The following BFSP2 variants were observed in gnomAD, a reference collection of about 807,000 sequenced individuals.
The protein encoded by BFSP2 is phakinin.
BFSP2 carries 38 observed loss-of-function variants against 44.9 expected under a neutral mutation model. That is an observed-to-expected ratio of 0.85 (90% CI 0.65 to 1.11). The LOEUF is 1.11. Among genes scored for constraint, BFSP2 ranks in the 50% least tolerant of loss-of-function variants. BFSP2 has a pLI of 0.00. For synonymous variants in BFSP2, 197 were observed against 209.9 expected, an observed-to-expected ratio of 0.94 and a Z score of 0.53; for missense variants, 525 against 533.0, an observed-to-expected ratio of 0.99 and a Z score of 0.15.
At chr3:133,413,089 G>A (rs1011286611) in intron 1 of BFSP2, among the ~76,000 whole-genome samples, 1 of 152,210 alleles carries the variant, frequency 6.6e-6, no homozygotes, top group Non-Finnish European at 1.5e-5. Flanking sequence ...TCTGGTGAGA[G>A]GGCTGGGGCT....
rs534216602 is a variant in BFSP2 at position 133,400,080 on chromosome 3, G to A, written c.-4G>A. ...CACTGGGCACCACAGAGGCAGAAGG[G>A]GTGATGAGTGAGAGGCGAGTGGTAG... On this transcript the variant is annotated 5_prime_UTR_variant, in exon 1 of 7. Coordinates refer to ENST00000302334, the MANE Select transcript of BFSP2 (RefSeq NM_003571.4). This position sits in a 1 kb window ranked among gnomAD's most constrained non-coding sequence, Gnocchi z 4.0. The A allele has an allele frequency of 2.2e-5, 36 of 1,614,026 alleles. No individual in the cohort carries two copies. In the East Asian group the frequency reaches 7.6e-4, roughly 34 times the overall value.
At chr3:133,418,720 T>C (rs1166329359) in intron 1 of BFSP2, among the ~76,000 whole-genome samples, 2 of 152,192 alleles carry the variant, frequency 1.3e-5, no homozygotes, top group Non-Finnish European at 2.9e-5. Flanking sequence ...CCTATGTTTT[T>C]CCTAACAAAA....
chr3:133,463,034 T>C (rs2141580), intron 4 of BFSP2, among the ~76,000 whole-genome samples: 136,120 of 152,202 alleles, frequency 0.89, 60,971 homozygotes, highest in East Asian at 0.91. Context: ...AGAGACCGGG[T>C]GCGGTGGCTC....
chr3:133,417,047 T>TCC (rs959943185), intron 1 of BFSP2, among the ~76,000 whole-genome samples: 2 of 113,284 alleles, frequency 1.8e-5, no homozygotes, highest in Non-Finnish European at 3.6e-5. Context: ...TCCTGCCATC[T>TCC]CCCCTCAACT....
chr3:133,400,408 G>A lies in BFSP2; in HGVS notation c.325G>A (p.Glu109Lys), dbSNP rs772409951. ...PGLERDHGAV[E>K]DLGGCLVEYM... ...TTTGGAGAGGGACCATGGTGCTGTTGAGGACCTAGGGGGCTGCCTGGTGGA... is the reference window on the plus strand; with the variant it reads ...TTTGGAGAGGGACCATGGTGCTGTTAAGGACCTAGGGGGCTGCCTGGTGGA... The change falls in exon 1 of 7, where the codon GAG becomes AAG. Residue 109 changes from glutamate (E) to lysine (K), a missense_variant. Transcript: ENST00000302334. The surrounding 1 kb of genome is among the most constrained non-coding windows in gnomAD (Gnocchi z 4.0). 1 of 1,614,098 alleles carries A rather than the reference G, an allele frequency of 6.2e-7. No individual in the cohort carries two copies. The highest frequency in any genetic ancestry group is 1.1e-5 in the South Asian group (1 of 91,084).
intron 1 of BFSP2, among the ~76,000 whole-genome samples, chr3:133,430,277 G>A (rs1450633988): frequency 3.3e-5 from 5 of 151,708 alleles, no homozygotes; most frequent in South Asian, 2.1e-4. Flanking sequence ...ACCCAGTAAC[G>A]GGATGGCTGG....
intron 4 of BFSP2, among the ~76,000 whole-genome samples, chr3:133,460,496 A>T (rs2074052371): frequency 6.6e-6 from 1 of 152,212 alleles, no homozygotes; most frequent in Non-Finnish European, 1.5e-5. Context: ...GGCCTCAAGC[A>T]ATCTTTCTGC....
chr3:133,472,456 G>C lies in BFSP2; in HGVS notation c.1135G>C (p.Ala379Pro). 1.2e-6 allele frequency: 2 copies of C among 1,614,024 alleles called. No homozygotes were observed. The highest frequency in any genetic ancestry group is 1.7e-6 in the Non-Finnish European group (2 of 1,180,024). Residue 379 changes from alanine to proline, a missense_variant, in exon 6 of 7, where the codon GCG becomes CCG. Physicochemically the swap from Ala to Pro is conservative, Grantham distance 27. Transcript: ENST00000302334. Reference sequence around the variant, plus strand: ...GGAGGCGGAGCTCAGGGAAATCCGAGCGGAGGCGGAGCAGCAGCAACAGGA... The same window carrying C: ...GGAGGCGGAGCTCAGGGAAATCCGACCGGAGGCGGAGCAGCAGCAACAGGA... ...RLEAELREIR[A>P]EAEQQQQERA...
At chr3:133,416,653 T>TCCTCTCCCCTCTACTCACCCTTGC (rs2073534215) in intron 1 of BFSP2, among the ~76,000 whole-genome samples, 1 of 117,730 alleles carries the variant, frequency 8.5e-6, no homozygotes, top group Non-Finnish European at 1.8e-5. Context: ...CTCACCTCTG[T>TCCTCTCCCCTCTACTCACCCTTGC]CCTCTCCCCT....
At position 133,468,030 on chromosome 3, in the gene BFSP2, C is replaced by T. The variant is rs370383195; in HGVS notation, c.1023+1071C>T. Among the ~76,000 whole-genome samples the T allele has an allele frequency of 2.6e-5, 4 of 152,338 alleles. No individual in the cohort carries two copies. The East Asian group carries it at 5.8e-4, about 22-fold the overall frequency. ...GGTATGATAGTCACAGTCCAGCCCA[C>T]TTCTCAGTGTTTCTAGGGGGATCCA... On this transcript the variant is annotated intron_variant, in intron 5 of 6. Transcript: ENST00000302334.
chr3:133,410,601 T>C, intron 1 of BFSP2: 1 of 295,900 alleles, frequency 3.4e-6, no homozygotes, highest in Non-Finnish European at 6.8e-6. Flanking sequence ...TGGGCAGCAC[T>C]CAAATCAGTC....
chr3:133,475,037 T>G lies in BFSP2; in HGVS notation c.*65T>G. 1 of 1,596,516 alleles carries G rather than the reference T, an allele frequency of 6.3e-7. No homozygotes were observed. Among genetic ancestry groups the G allele is most frequent in the Non-Finnish European group, 8.6e-7 (1 of 1,163,972 alleles). On this transcript the variant is annotated 3_prime_UTR_variant, in exon 7 of 7. Coordinates refer to ENST00000302334, the MANE Select transcript of BFSP2 (RefSeq NM_003571.4). Reference sequence around the variant, plus strand: ...CTCAACAGCTGACCCAAGAAGTTGCTTGAGGAGCTTTCTCCTGAGCTCCAG... The same window carrying G: ...CTCAACAGCTGACCCAAGAAGTTGCGTGAGGAGCTTTCTCCTGAGCTCCAG...
chr3:133,428,270 G>C (rs1488447176), intron 1 of BFSP2, among the ~76,000 whole-genome samples: 1 of 152,134 alleles, frequency 6.6e-6, no homozygotes, highest in African/African-American at 2.4e-5. Flanking sequence ...AAGAGGCAGG[G>C]AGGCAGGACA....
At chr3:133,446,770 A>G (rs1470914834) in intron 1 of BFSP2, among the ~76,000 whole-genome samples, 1 of 150,084 alleles carries the variant, frequency 6.7e-6, no homozygotes, top group Non-Finnish European at 1.5e-5. Flanking sequence ...TATATCCACA[A>G]TGTTTATGTT....
intron 5 of BFSP2, among the ~76,000 whole-genome samples, chr3:133,470,167 G>T (rs1351969871): frequency 6.6e-6 from 1 of 152,178 alleles, no homozygotes; most frequent in Non-Finnish European, 1.5e-5. Context: ...TACTGATCTA[G>T]ATTTATTTTC....
At chr3:133,471,610 CG>C (rs2107944767) in intron 5 of BFSP2, among the ~76,000 whole-genome samples, 1 of 152,212 alleles carries the variant, frequency 6.6e-6, no homozygotes, top group African/African-American at 2.4e-5. Flanking sequence ...GAATTATCAA[CG>C]CAGGACGTGG....
At chr3:133,415,338 G>T (rs558052017) in intron 1 of BFSP2, among the ~76,000 whole-genome samples, 2 of 7,184 alleles carry the variant, frequency 2.8e-4, no homozygotes, top group Non-Finnish European at 5.1e-4. Context: ...CTACTCACCC[G>T]TGTCCTCTCC....
intron 1 of BFSP2, among the ~76,000 whole-genome samples, chr3:133,435,017 G>C (rs186644429): frequency 1.3e-5 from 2 of 152,320 alleles, no homozygotes; most frequent in African/African-American, 4.8e-5. Context: ...ATTTAGCAAT[G>C]TTAGTGCAGT....
intron 3 of BFSP2, among the ~76,000 whole-genome samples, chr3:133,449,576 A>G (rs1281945273): frequency 1.3e-5 from 2 of 152,064 alleles, no homozygotes; most frequent in Middle Eastern, 3.2e-3. Flanking sequence ...GTGGAGACCA[A>G]CCTAAGAAAT....
Sources: allele counts gnomAD v4.1 joint callset (sites outside exome capture counted in the v4.1 genomes callset), GRCh38; gene constraint gnomAD v4.1.1; non-coding constraint Gnocchi (gnomAD v3.1); transcripts MANE v1.5; gene names NCBI Gene and HGNC (gene_info 2026-07-23, HGNC 2026-07-21).